Variants in ATP6V1C1 observed in about 807,000 individuals in gnomAD.
The protein encoded by ATP6V1C1 is ATPase H+ transporting V1 subunit C1.
In ATP6V1C1, 45 loss-of-function variants were observed where a neutral mutation model predicts 53.9. The ratio of observed to expected loss-of-function variants is 0.83; its 90% CI spans 0.66 to 1.07. The LOEUF (loss-of-function observed/expected upper bound fraction) is 1.07, where lower values mean the gene tolerates loss of function less well. Among genes scored for constraint, ATP6V1C1 ranks in the 50% least tolerant of loss-of-function variants. The probability of loss-of-function intolerance (pLI) is 0.00; values close to 1 mark genes in which losing one functional copy is unlikely to be tolerated. For synonymous variants in ATP6V1C1, 153 were observed against 155.2 expected, an observed-to-expected ratio of 0.99 and a Z score of 0.11; for missense variants, 315 against 440.3, an observed-to-expected ratio of 0.72 and a Z score of 2.55.
At chr8:103,031,755 C>T (rs955286691) in intron 1 of ATP6V1C1, among the ~76,000 whole-genome samples, 4 of 152,024 alleles carry the variant, frequency 2.6e-5, no homozygotes, top group African/African-American at 9.7e-5. Context: ...AGAAAAACAA[C>T]TGAGAAAAAT....
chr8:103,040,026 T>C (rs1271595398), intron 1 of ATP6V1C1, among the ~76,000 whole-genome samples: 4 of 152,184 alleles, frequency 2.6e-5, no homozygotes, highest in African/African-American at 7.2e-5. Context: ...CCATGTAGGA[T>C]TTGCTAAGCC....
intron 1 of ATP6V1C1, 57 bp from the exon 2 acceptor site, chr8:103,040,741 A>G: frequency 1.4e-6 from 2 of 1,446,556 alleles, no homozygotes. Flanking sequence ...TGATTCTGAA[A>G]CACTTTAGAA....
In ATP6V1C1 at chr8:103,042,318, TAAC is replaced by T. The variant is rs1334897616; in HGVS notation, c.133-19_133-17del. 2.5e-6 allele frequency: 4 copies of T among 1,607,106 alleles called. No homozygotes were observed. Among genetic ancestry groups the T allele is most frequent in the Non-Finnish European group, 3.4e-6 (4 of 1,175,168 alleles). Reference sequence around the variant, plus strand: ...TTTTTAAAAAAGCATGCCACCTAAATAACAATATATTTTCCTTTTAGGTTGGCA... The same window carrying T: ...TTTTTAAAAAAGCATGCCACCTAAATAATATATTTTCCTTTTAGGTTGGCA... On this transcript the variant is annotated intron_variant, in intron 2 of 12. Transcript: ENST00000518738.
rs1446442982 is a variant in ATP6V1C1 at position 103,055,992 on chromosome 8, G to A, written c.641+56G>A. ...TTCCTAGAATTCCTTTTAGAGTTTG[G>A]ATGTTGGCTTAGGAAATATGTTTGC... On this transcript the variant is annotated intron_variant, in intron 8 of 12. Transcript: ENST00000518738. 9 of 1,533,372 alleles carry A rather than the reference G, an allele frequency of 5.9e-6. No individual in the cohort carries two copies. The East Asian group carries it at 1.6e-4, about 27-fold the overall frequency. The allele number at this position is 1,533,372 out of a possible 1,614,324, so 95.0% of individuals were successfully genotyped here.
rs1401821496 is a variant in ATP6V1C1 at position 103,070,514 on chromosome 8, T to G, written c.*1767T>G. On this transcript the variant is annotated 3_prime_UTR_variant, in exon 13 of 13. Transcript: ENST00000518738. ...CAGAAAATTTTGGTTCTTTGTCTTTTGCACATGTTCTTTGAGTCTTAGTAT... is the reference window on the plus strand; with the variant it reads ...CAGAAAATTTTGGTTCTTTGTCTTTGGCACATGTTCTTTGAGTCTTAGTAT... 6.6e-6 allele frequency: 1 copy of G among 152,220 alleles called. No homozygotes were observed. Among genetic ancestry groups the G allele is most frequent in the Non-Finnish European group, 1.5e-5 (1 of 68,050 alleles). The allele number at this position is 152,220 out of a possible 1,614,324, so 9.4% of individuals were successfully genotyped here.
chr8:103,029,700 G>A lies in ATP6V1C1; in HGVS notation c.-40+8475G>A, dbSNP rs149538288. On this transcript the variant is annotated intron_variant, in intron 1 of 12. Transcript: ENST00000518738. ...GATATTTTATTAATGATGACAAATT[G>A]TTACAGCTGTATTCATGCTTTATTT... is the stretch of plus-strand genomic sequence containing the variant. Among the ~76,000 whole-genome samples the A allele has an allele frequency of 7.3e-3, 1,117 of 152,018 alleles. 19 individuals are homozygous for A. Among genetic ancestry groups the A allele is most frequent in the African/African-American group, 0.026 (1,073 of 41,442 alleles).
rs201198940 is a variant in ATP6V1C1, at chr8:103,048,820, A to G, written c.201-50A>G. The G allele has an allele frequency of 2.5e-4, 369 of 1,491,386 alleles. No homozygotes were observed. The African/African-American group carries it at 4.5e-3, about 18-fold the overall frequency. 92.4% of individuals were successfully genotyped at this position (1,491,386 alleles called of 1,614,324 possible). On this transcript the variant is annotated intron_variant, in intron 3 of 12. Transcript: ENST00000518738. ...GTAATATGTTCATTGTATAGAATGGAATTTAGATCTTTTTCCTGAGAATGG... is the reference window on the plus strand; with the variant it reads ...GTAATATGTTCATTGTATAGAATGGGATTTAGATCTTTTTCCTGAGAATGG...
chr8:103,030,724 CAG>C lies in ATP6V1C1; in HGVS notation c.-40+9506_-40+9507del, dbSNP rs1816782635. Among the ~76,000 whole-genome samples the C allele has an allele frequency of 2.6e-5, 4 of 151,968 alleles. No homozygotes were observed. In the East Asian group the frequency reaches 7.7e-4, roughly 29 times the overall value. On this transcript the variant is annotated intron_variant, in intron 1 of 12. Transcript: ENST00000518738. The stretch of plus-strand genomic sequence containing the variant: ...GGCTGGAATTTGCAGGTGGGATTGA[CAG>C]AGAGAGGGAGCTAGGCAGAGAAATA...
At chr8:103,042,312 C>T (rs577318073) in intron 2 of ATP6V1C1, 28 bp from the exon 3 acceptor site, 2 of 1,600,842 alleles carry the variant, frequency 1.2e-6, no homozygotes, top group Non-Finnish European at 1.7e-6. Flanking sequence ...AAGCATGCCA[C>T]CTAAATAACA....
At chr8:103,059,068 T>C (rs868859246) in intron 8 of ATP6V1C1, among the ~76,000 whole-genome samples, 1 of 152,124 alleles carries the variant, frequency 6.6e-6, no homozygotes, top group Non-Finnish European at 1.5e-5. Flanking sequence ...TTCTCTGTCA[T>C]TGGAAGCAAC....
rs561221905 is a variant in ATP6V1C1, at chr8:103,055,040, C to G, written c.573-828C>G. 1.1e-4 allele frequency among the ~76,000 whole-genome samples: 16 copies of G among 152,096 alleles called. No individual in the cohort carries two copies. In the South Asian group the frequency reaches 3.1e-3, roughly 30 times the overall value. The stretch of plus-strand genomic sequence containing the variant: ...AGGCCTTAAATCTAAGGATTTCACT[C>G]CAGAAATTTTATTTTGTGTTCTAGT... On this transcript the variant is annotated intron_variant, in intron 7 of 12. Coordinates refer to ENST00000518738, the MANE Select transcript of ATP6V1C1 (RefSeq NM_001695.5).
At chr8:103,059,876 A>G (rs1413400645) in intron 8 of ATP6V1C1, among the ~76,000 whole-genome samples, 1 of 65,438 alleles carries the variant, frequency 1.5e-5, no homozygotes, top group Non-Finnish European at 3.1e-5. Flanking sequence ...TGCCCCCAGC[A>G]CGCACACACA....
Position 103,051,642 on chromosome 8 carries a change from G to C in ATP6V1C1, c.381+498G>C, listed in dbSNP as rs536561482. Among the ~76,000 whole-genome samples the C allele has an allele frequency of 4.4e-4, 67 of 152,190 alleles. No homozygotes were observed. In the South Asian group the frequency reaches 0.013, roughly 31 times the overall value. On this transcript the variant is annotated intron_variant, in intron 5 of 12. Coordinates refer to ENST00000518738, the MANE Select transcript of ATP6V1C1 (RefSeq NM_001695.5). ...CCACATAATTTTATGTAGTTTCAGG[G>C]AGTACATGGACCTTGAAGCCGATGC...
intron 8 of ATP6V1C1, among the ~76,000 whole-genome samples, chr8:103,062,161 G>GTTTTTTTTTT (rs767825523): frequency 2.8e-5 from 2 of 70,786 alleles, no homozygotes; most frequent in Admixed American, 2.0e-4. Context: ...GTTCATCAGG[G>GTTTTTTTTTT]TTTTTTTTTT....
At chr8:103,050,432 C>T (rs1013286507) in intron 4 of ATP6V1C1, among the ~76,000 whole-genome samples, 9 of 152,154 alleles carry the variant, frequency 5.9e-5, no homozygotes, top group Non-Finnish European at 1.3e-4. Context: ...GAATTACTTC[C>T]GTCAGTTGGC....
chr8:103,068,657 T>C lies in ATP6V1C1; in HGVS notation c.1059T>C (p.Pro353=). The change falls in exon 13 of 13, where the codon CCT becomes CCC. Residue 353 remains proline, a synonymous_variant. Coordinates refer to ENST00000518738, the MANE Select transcript of ATP6V1C1 (RefSeq NM_001695.5). ...DSSAAAIIDA[P]MDIPGLNLSQ... ...ATTGTCTGTTTTTTCCATAGGCTCC[T>C]ATGGATATTCCAGGTTTAAACCTGA... The C allele has an allele frequency of 6.2e-7, 1 of 1,603,806 alleles. No individual in the cohort carries two copies. Among genetic ancestry groups the C allele is most frequent in the South Asian group, 1.1e-5 (1 of 89,230 alleles).
chr8:103,062,838 A>T, intron 8 of ATP6V1C1, 117 bp from the exon 9 acceptor site: 1 of 764,032 alleles, frequency 1.3e-6, no homozygotes, highest in Non-Finnish European at 2.2e-6. Context: ...CATTGAGGTG[A>T]TTTGGGAAGG....
At chr8:103,055,962 T>C (rs370965557) in intron 8 of ATP6V1C1, 26 bp downstream of exon 8, 1 of 1,598,848 alleles carries the variant, frequency 6.3e-7, no homozygotes, top group African/African-American at 1.3e-5. Context: ...TGTAAAACCA[T>C]TTGTTTCCTA....
rs886656665 is a variant in ATP6V1C1 at position 103,069,094 on chromosome 8, G to A, written c.*347G>A. ...TTGTGCACAAAAGCCCTGTTCACAG[G>A]GGAATGGTGTAAACATTTATACTGT... On this transcript the variant is annotated 3_prime_UTR_variant, in exon 13 of 13. Coordinates refer to ENST00000518738, the MANE Select transcript of ATP6V1C1 (RefSeq NM_001695.5). The A allele has an allele frequency of 5.1e-5, 8 of 157,690 alleles. No individual in the cohort carries two copies. Among genetic ancestry groups the A allele is most frequent in the African/African-American group, 1.7e-4 (7 of 41,630 alleles). The allele number at this position is 157,690 out of a possible 1,614,324, so 9.8% of individuals were successfully genotyped here. A position where few individuals can be genotyped will look rare whatever the true frequency, so the allele number is the denominator to read the frequency against.
Sources: allele counts gnomAD v4.1 joint callset (sites outside exome capture counted in the v4.1 genomes callset), GRCh38; gene constraint gnomAD v4.1.1; transcripts MANE v1.5; gene names NCBI Gene and HGNC (gene_info 2026-07-23, HGNC 2026-07-21).